CTNNA2: variants seen among roughly 807,000 people sequenced by gnomAD.
CTNNA2 encodes the protein catenin alpha-2.
CTNNA2 carries 42 observed loss-of-function variants against 101.0 expected under a neutral mutation model. The ratio of observed to expected loss-of-function variants is 0.42; its 90% CI spans 0.32 to 0.54. The LOEUF (loss-of-function observed/expected upper bound fraction) is 0.54. Ranked by LOEUF, CTNNA2 falls within the 20% of genes least tolerant of loss-of-function variation. The probability of loss-of-function intolerance (pLI) is 0.14; values close to 1 mark genes in which losing one functional copy is unlikely to be tolerated. For synonymous variants in CTNNA2, 450 were observed against 456.4 expected (o/e 0.99, Z 0.18); for missense variants, 871 against 1,223.1 (o/e 0.71, Z 4.29).
At chr2:79,792,189 A>G (rs1419806071) in intron 3 of CTNNA2, among the ~76,000 whole-genome samples, 2 of 152,130 alleles carry the variant, frequency 1.3e-5, no homozygotes, top group African/African-American at 2.4e-5. Flanking sequence ...ACAGTTCTCT[A>G]TGGATCTCTC....
chr2:80,561,740 A>C (rs1265753881), intron 12 of CTNNA2, among the ~76,000 whole-genome samples: 1 of 152,000 alleles, frequency 6.6e-6, no homozygotes, highest in Non-Finnish European at 1.5e-5. Flanking sequence ...TGCTCACTGC[A>C]ACCTCTGCCT....
At chr2:80,331,143 T>G (rs1671290916) in intron 7 of CTNNA2, among the ~76,000 whole-genome samples, 1 of 152,130 alleles carries the variant, frequency 6.6e-6, no homozygotes, top group African/African-American at 2.4e-5. Flanking sequence ...TGCAGCCCTT[T>G]TATCTAACAA....
At chr2:79,382,337 C>T (rs1678048774) in intron 4 of CTNNA2, among the ~76,000 whole-genome samples, 1 of 152,052 alleles carries the variant, frequency 6.6e-6, no homozygotes, top group Non-Finnish European at 1.5e-5. Context: ...TTCTCAGCCT[C>T]CGTAGTCACA....
intron 7 of CTNNA2, among the ~76,000 whole-genome samples, chr2:79,967,811 A>G (rs939888960): frequency 2.6e-5 from 4 of 152,258 alleles, no homozygotes; most frequent in Admixed American, 6.5e-5. Context: ...AAATGGTGGA[A>G]TAACCCAAAT....
At chr2:80,219,341 A>G (rs1708443404) in intron 7 of CTNNA2, among the ~76,000 whole-genome samples, 1 of 152,224 alleles carries the variant, frequency 6.6e-6, no homozygotes, top group South Asian at 2.1e-4. Flanking sequence ...TTATTGAGAA[A>G]CTATTGGGTT....
chr2:79,469,149 A>G (rs1251766138), intron 4 of CTNNA2, among the ~76,000 whole-genome samples: 1 of 152,186 alleles, frequency 6.6e-6, no homozygotes, highest in Admixed American at 6.5e-5. Flanking sequence ...AATAAAGAAG[A>G]AAAGAGAGAA....
chr2:80,204,450 A>C (rs1434170829), intron 7 of CTNNA2, among the ~76,000 whole-genome samples: 4 of 152,216 alleles, frequency 2.6e-5, no homozygotes, highest in Admixed American at 6.5e-5. Context: ...AAGTTTCACA[A>C]ATCTCTAGAG....
chr2:79,514,228 G>C (rs1671684734), intron 1 of CTNNA2, among the ~76,000 whole-genome samples: 1 of 152,184 alleles, frequency 6.6e-6, no homozygotes, highest in African/African-American at 2.4e-5. Flanking sequence ...GTTCATCATG[G>C]GTTAACTTCT....
intron 4 of CTNNA2, among the ~76,000 whole-genome samples, chr2:79,422,110 G>A (rs1016899514): frequency 3.9e-5 from 6 of 152,218 alleles, no homozygotes; most frequent in African/African-American, 4.8e-5. Context: ...CTGAGATCGC[G>A]CCATTGCCCT....
chr2:79,406,277 A>C (rs887877518), intron 4 of CTNNA2, among the ~76,000 whole-genome samples: 1 of 152,104 alleles, frequency 6.6e-6, no homozygotes, highest in African/African-American at 2.4e-5. Context: ...CTCACAAGAC[A>C]GAAAAAGCTA....
chr2:80,549,004 T>C (rs1692331857), intron 11 of CTNNA2, among the ~76,000 whole-genome samples: 1 of 152,312 alleles, frequency 6.6e-6, no homozygotes, highest in Middle Eastern at 3.4e-3. Context: ...AATGCTACCC[T>C]AACTTCTGTA....
intron 3 of CTNNA2, among the ~76,000 whole-genome samples, chr2:79,834,374 T>C (rs181187997): frequency 7.9e-4 from 121 of 152,286 alleles, no homozygotes; most frequent in African/African-American, 2.5e-3. Context: ...GTTGTAACCA[T>C]GTACACTCCT....
chr2:79,847,356 T>C (rs1680309724), intron 3 of CTNNA2, among the ~76,000 whole-genome samples: 1 of 151,600 alleles, frequency 6.6e-6, no homozygotes, highest in East Asian at 2.0e-4. Context: ...CAGCTTGATC[T>C]ATGTGGTGAA....
At chr2:80,393,125 T>G in intron 7 of CTNNA2, 86 bp from the exon 8 acceptor site, 1 of 970,564 alleles carries the variant, frequency 1.0e-6, no homozygotes, top group Non-Finnish European at 1.5e-6. Flanking sequence ...GAATTTAACT[T>G]CTCATGTTTT....
intron 7 of CTNNA2, among the ~76,000 whole-genome samples, chr2:80,211,847 T>C (rs1707914332): frequency 6.6e-6 from 1 of 151,822 alleles, no homozygotes; most frequent in Non-Finnish European, 1.5e-5. Context: ...TTCCTACCCA[T>C]AAGCGTGGAA....
At chr2:79,994,006 C>T (rs1017127301) in intron 7 of CTNNA2, among the ~76,000 whole-genome samples, 7 of 152,094 alleles carry the variant, frequency 4.6e-5, no homozygotes, top group African/African-American at 1.2e-4. Context: ...TAGACTGAAA[C>T]GATACTCCCG....
At chr2:79,402,374 A>G (rs1678299511) in intron 4 of CTNNA2, among the ~76,000 whole-genome samples, 1 of 151,820 alleles carries the variant, frequency 6.6e-6, no homozygotes. Flanking sequence ...AGTCCCCTTT[A>G]TCTGCAGGGG....
chr2:79,688,125 G>A (rs1322268406), intron 2 of CTNNA2, among the ~76,000 whole-genome samples: 1 of 152,090 alleles, frequency 6.6e-6, no homozygotes, highest in Non-Finnish European at 1.5e-5. Context: ...GTGGTCCCAG[G>A]ATGGTAGTGA....
At chr2:79,431,781 C>T (rs1373863801) in intron 4 of CTNNA2, among the ~76,000 whole-genome samples, 1 of 152,188 alleles carries the variant, frequency 6.6e-6, no homozygotes, top group Non-Finnish European at 1.5e-5. Flanking sequence ...AGTAATTGTT[C>T]TTAGCTTAAA....
Sources: allele counts gnomAD v4.1 joint callset (sites outside exome capture counted in the v4.1 genomes callset), GRCh38; gene constraint gnomAD v4.1.1; transcripts MANE v1.5; gene names NCBI Gene and HGNC (gene_info 2026-07-23, HGNC 2026-07-21).